ERGIC3: variants seen among roughly 807,000 people sequenced by gnomAD.
ERGIC3 encodes ERGIC and golgi 3, also known as endoplasmic reticulum-Golgi intermediate compartment protein 3.
Under a neutral mutation model 54.7 loss-of-function variants are expected in ERGIC3, and 33 were observed. The ratio of observed to expected loss-of-function variants is 0.60; its 90% CI spans 0.46 to 0.81. The LOEUF is 0.81. ERGIC3 is among the 30% of genes least tolerant of loss of function. The probability of loss-of-function intolerance (pLI) is 0.00; values close to 1 mark genes in which losing one functional copy is unlikely to be tolerated. For synonymous variants in ERGIC3, 186 were observed against 189.8 expected, an observed-to-expected ratio of 0.98 and a Z score of 0.16; for missense variants, 399 against 488.4, an observed-to-expected ratio of 0.82 and a Z score of 1.73.
chr20:35,544,496 CT>C, intron 4 of ERGIC3: 1 of 290,526 alleles, frequency 3.4e-6, no homozygotes, highest in South Asian at 4.2e-5. Flanking sequence ...CCTGCCTCCT[CT>C]TAGTGCGGAT....
chr20:35,553,189 G>A (rs368892178), intron 7 of ERGIC3, among the ~76,000 whole-genome samples: 15 of 31,446 alleles, frequency 4.8e-4, no homozygotes, highest in African/African-American at 1.3e-3. Context: ...TTTTTTTTTT[G>A]CAGAGACAGG....
At chr20:35,554,376 T>C in intron 7 of ERGIC3, 1 of 1,614,158 alleles carries the variant, frequency 6.2e-7, no homozygotes, top group Non-Finnish European at 8.5e-7. Flanking sequence ...CTGCAGTACA[T>C]GCTGTGGAGA....
intron 8 of ERGIC3, 112 bp downstream of exon 8, chr20:35,555,187 A>C (rs774222683): frequency 1.3e-4 from 158 of 1,249,246 alleles, no homozygotes; most frequent in Non-Finnish European, 1.8e-4. Flanking sequence ...GGAAAAATAC[A>C]CCACGTTCTG....
At chr20:35,544,799 G>A (rs1246677142) in intron 4 of ERGIC3, 3 of 62,052 alleles carry the variant, frequency 4.8e-5, no homozygotes, top group Non-Finnish European at 8.5e-5. Flanking sequence ...GCCACGCGGG[G>A]ATCTACTTTT....
chr20:35,544,928 G>T (rs1242545343), intron 4 of ERGIC3: 1 of 147,208 alleles, frequency 6.8e-6, no homozygotes, highest in Non-Finnish European at 1.5e-5. Flanking sequence ...TCAGCCTTCT[G>T]AGTAGCTGGG....
chr20:35,543,596 G>T (rs1421126631), intron 4 of ERGIC3: 1 of 470,986 alleles, frequency 2.1e-6, no homozygotes, highest in African/African-American at 2.0e-5. Context: ...TGTCCTCAAA[G>T]CTGGGATTTC....
chr20:35,542,284 G>C (rs746422160), intron 1 of ERGIC3, 39 bp from the exon 2 acceptor site: 2 of 1,613,762 alleles, frequency 1.2e-6, no homozygotes, highest in Admixed American at 3.3e-5. Flanking sequence ...TGAGGGAGCG[G>C]ATTCGAGGCC....
At chr20:35,552,380 C>G (rs1239882913) in intron 7 of ERGIC3, among the ~76,000 whole-genome samples, 1 of 152,146 alleles carries the variant, frequency 6.6e-6, no homozygotes, top group African/African-American at 2.4e-5. Flanking sequence ...TAGGGCCTCC[C>G]TGGAGTCCGC....
intron 7 of ERGIC3, among the ~76,000 whole-genome samples, chr20:35,551,034 G>A (rs1400251384): frequency 2.0e-5 from 3 of 152,116 alleles, no homozygotes; most frequent in African/African-American, 4.8e-5. Flanking sequence ...GGAGTTGCCT[G>A]TAATCCTAGC....
intron 10 of ERGIC3, 45 bp from the exon 11 acceptor site, chr20:35,556,928 C>T: frequency 1.9e-6 from 3 of 1,612,574 alleles, no homozygotes; most frequent in East Asian, 4.5e-5. Flanking sequence ...TGGCTGGAGC[C>T]AGGTCCTAGC....
At chr20:35,553,019 G>GGTTTTTTTTT (rs2064689546) in intron 7 of ERGIC3, among the ~76,000 whole-genome samples, 1 of 12,632 alleles carries the variant, frequency 7.9e-5, no homozygotes, top group Non-Finnish European at 2.2e-4. Flanking sequence ...CAAAGCTGGG[G>GGTTTTTTTTT]ATTTTTTTTT....
chr20:35,544,514 C>A (rs887358094), intron 4 of ERGIC3: 7 of 276,096 alleles, frequency 2.5e-5, no homozygotes, highest in Admixed American at 1.6e-4. Context: ...GGATGTGCGT[C>A]CCCACTCTTT....
chr20:35,542,671 C>A, intron 3 of ERGIC3, 71 bp downstream of exon 3: 1 of 1,601,252 alleles, frequency 6.2e-7, no homozygotes. Context: ...TTCACACCTC[C>A]ACCCTTAGGT....
In ERGIC3 at chr20:35,557,238, G is replaced by A. The variant is rs1220102194; in HGVS notation, c.1061G>A (p.Gly354Asp). 1 of 1,614,170 alleles carries A rather than the reference G, an allele frequency of 6.2e-7. No individual in the cohort carries two copies. Among genetic ancestry groups the A allele is most frequent in the Non-Finnish European group, 8.5e-7 (1 of 1,180,020 alleles). The change falls in exon 12 of 13, where the codon GGC becomes GAC. Residue 354 changes from glycine to aspartate, a missense_variant. Coordinates refer to ENST00000348547, the MANE Select transcript of ERGIC3 (RefSeq NM_015966.3). ...ACAGGTGTGTGCGCCATCATTGGGG[G>A]CATGTTCACAGGTAAGAGGCCCAGG... ...FLTGVCAIIG[G>D]MFTVAGLIDS... is the part of the protein sequence containing the mutation.
chr20:35,543,392 C>G, intron 4 of ERGIC3: 1 of 340,200 alleles, frequency 2.9e-6, no homozygotes, highest in Non-Finnish European at 5.8e-6. Context: ...CTAGCTTTGT[C>G]TCCTGCAGTC....
chr20:35,552,041 A>G (rs1294368118), intron 7 of ERGIC3, among the ~76,000 whole-genome samples: 1 of 152,188 alleles, frequency 6.6e-6, no homozygotes, highest in Non-Finnish European at 1.5e-5. Context: ...TGCTCCAGAG[A>G]CGAGACAGTG....
chr20:35,556,740 C>A, intron 10 of ERGIC3: 1 of 608,826 alleles, frequency 1.6e-6, no homozygotes, highest in Non-Finnish European at 2.9e-6. Flanking sequence ...CCAAATGCTG[C>A]CAGGATAGGT....
rs1306126706 is a variant in ERGIC3, at chr20:35,542,408, T to C, written c.159+15T>C. ...TCACCACGGAGGTAAGGGGCGGGGC[T>C]TAGTGCGTGGGCGGGGCTTGGCATT... On this transcript the variant is annotated intron_variant, in intron 2 of 12. Coordinates refer to ENST00000348547, the MANE Select transcript of ERGIC3 (RefSeq NM_015966.3). 6.2e-6 allele frequency: 10 copies of C among 1,613,676 alleles called. No homozygotes were observed. The highest frequency in any genetic ancestry group is 1.7e-4 in the Middle Eastern group (1 of 6,026).
At chr20:35,555,912 A>G (rs1601368223) in intron 8 of ERGIC3, 121 bp from the exon 9 acceptor site, 2 of 802,696 alleles carry the variant, frequency 2.5e-6, no homozygotes. Flanking sequence ...TATCTCGGGG[A>G]GGTTGTCCCC....
Sources: gnomAD v4.1 joint callset for allele counts (sites outside exome capture counted in the v4.1 genomes callset) on GRCh38, gnomAD v4.1.1 for gene constraint, MANE v1.5 for transcripts, NCBI Gene and HGNC (gene_info 2026-07-23, HGNC 2026-07-21) for gene names.